SPDEF: variants seen among roughly 807,000 people sequenced by gnomAD.
SPDEF encodes the protein SAM pointed domain containing ETS transcription factor.
SPDEF carries 12 observed loss-of-function variants against 36.0 expected under a neutral mutation model. The observed-to-expected ratio is 0.33, with a 90% CI of 0.21 to 0.54. SPDEF has a LOEUF of 0.54. Ranked by LOEUF, SPDEF falls within the 20% of genes least tolerant of loss-of-function variation. The pLI, the probability that SPDEF is intolerant of heterozygous loss-of-function variation, is 0.93. For synonymous variants in SPDEF, 205 were observed against 193.0 expected (o/e 1.06, Z -0.51); for missense variants, 388 against 456.9 (o/e 0.85, Z 1.37).
intron 1 of SPDEF, among the ~76,000 whole-genome samples, chr6:34,545,296 G>C (rs1767928149): frequency 6.6e-6 from 1 of 152,232 alleles, no homozygotes; most frequent in Non-Finnish European, 1.5e-5. Flanking sequence ...AGTGCCACAT[G>C]CCAGGCTTTC....
Position 34,544,499 on chromosome 6 carries a change from G to A in SPDEF, c.-29-15C>T. The stretch of plus-strand genomic sequence containing the variant: ...GGCGGCTGTGTCTACGGAAATGAAA[G>A]AGGACTCAGGTTTGACTGCTTCTCC... On this transcript the variant is annotated splice_polypyrimidine_tract_variant and intron_variant, in intron 1 of 5. Transcript: ENST00000374037. This position sits in a 1 kb window ranked among gnomAD's most constrained non-coding sequence, Gnocchi z 4.4. The A allele has an allele frequency of 6.7e-7, 1 of 1,486,834 alleles. No homozygotes were observed. Among genetic ancestry groups the A allele is most frequent in the Non-Finnish European group, 8.9e-7 (1 of 1,120,950 alleles). 92.1% of individuals were successfully genotyped at this position (1,486,834 alleles called of 1,614,324 possible).
rs534590841 is a variant in SPDEF at position 34,539,618 on chromosome 6, G to C, written c.635-56C>G. ...CAGGAGAGGCCCCGAGGGTGGAGGA[G>C]GGGAGGCGTTTGGGTGGGACTGTGG... On this transcript the variant is annotated intron_variant, in intron 3 of 5. Coordinates refer to ENST00000374037, the MANE Select transcript of SPDEF (RefSeq NM_012391.3). The surrounding 1 kb of genome is among the most constrained non-coding windows in gnomAD (Gnocchi z 5.2). 1.9e-6 allele frequency: 3 copies of C among 1,543,904 alleles called. No homozygotes were observed. Among genetic ancestry groups the C allele is most frequent in the Non-Finnish European group, 2.6e-6 (3 of 1,142,532 alleles).
At chr6:34,551,594 C>T (rs35840295) in intron 1 of SPDEF, among the ~76,000 whole-genome samples, 8,080 of 152,250 alleles carry the variant, frequency 0.053, 294 homozygotes, top group Non-Finnish European at 0.083. Flanking sequence ...ATGGTGGGGA[C>T]GCAGAGGTGG....
chr6:34,542,237 G>T (rs1767838400), intron 2 of SPDEF, among the ~76,000 whole-genome samples: 1 of 152,224 alleles, frequency 6.6e-6, no homozygotes, highest in South Asian at 2.1e-4. Flanking sequence ...GCTTCCCAGG[G>T]AAAGCTGCAC....
rs959703042 is a variant in SPDEF, at chr6:34,538,728, T to C, written c.830-276A>G. On this transcript the variant is annotated intron_variant, in intron 5 of 5. Coordinates refer to ENST00000374037, the MANE Select transcript of SPDEF (RefSeq NM_012391.3). This position sits in a 1 kb window ranked among gnomAD's most constrained non-coding sequence, Gnocchi z 5.9. ...AAACCTCCCGGTACAGGTGAGCCTG[T>C]GTACCTTAGTGGGTTCCCTGGGGCC... Among the ~76,000 whole-genome samples the C allele has an allele frequency of 2.6e-5, 4 of 152,216 alleles. No homozygotes were observed. The highest frequency in any genetic ancestry group is 5.9e-5 in the Non-Finnish European group (4 of 68,018).
rs200603881 is a variant in SPDEF at position 34,544,108 on chromosome 6, C to A, written c.348G>T (p.Glu116Asp). The A allele has an allele frequency of 7.7e-5, 124 of 1,613,610 alleles. No homozygotes were observed. The highest frequency in any genetic ancestry group is 9.9e-5 in the Non-Finnish European group (117 of 1,179,858). ...TGGACTGCACCTGCTCCAGCGAGTG[C>A]TCCTCCAAGGTCAGCCCGCCGGGCA... Reference protein sequence around the residue: ...DLVPGGLTLEEHSLEQVQSMV... With the variant: ...DLVPGGLTLEDHSLEQVQSMV... The change falls in exon 2 of 6, where the codon GAG becomes GAT. Residue 116 changes from glutamate (E) to aspartate (D), a missense_variant. Around this residue, in one of 2 missense-constraint regions of SPDEF, gnomAD observed 308 missense variants for 326.1 expected, o/e 0.94. Coordinates refer to ENST00000374037, the MANE Select transcript of SPDEF (RefSeq NM_012391.3). This position sits in a 1 kb window ranked among gnomAD's most constrained non-coding sequence, Gnocchi z 4.4.
chr6:34,553,914 G>A (rs936243946), intron 1 of SPDEF, among the ~76,000 whole-genome samples: 5 of 14,032 alleles, frequency 3.6e-4, no homozygotes, highest in African/African-American at 1.2e-3. Flanking sequence ...ACTTCCCCCC[G>A]GCCCCCGCAC....
rs1767776395 is a variant in SPDEF at position 34,539,649 on chromosome 6, C to T, written c.635-87G>A. The T allele has an allele frequency of 6.9e-7, 1 of 1,459,526 alleles. No individual in the cohort carries two copies. The highest frequency in any genetic ancestry group is 2.0e-5 in the Admixed American group (1 of 50,874). The allele number at this position is 1,459,526 out of a possible 1,614,324, so 90.4% of individuals were successfully genotyped here. A position where few individuals can be genotyped will look rare whatever the true frequency, so the allele number is the denominator to read the frequency against. On this transcript the variant is annotated intron_variant, in intron 3 of 5. Transcript: ENST00000374037. The surrounding 1 kb of genome is among the most constrained non-coding windows in gnomAD (Gnocchi z 5.2). ...GCGTTTGGGTGGGACTGTGGGGCCA[C>T]AGGAGCCCCTCTGTGGCTGGGGGTT...
intron 1 of SPDEF, among the ~76,000 whole-genome samples, chr6:34,548,767 A>C (rs1210754006): frequency 6.6e-6 from 1 of 152,158 alleles, no homozygotes; most frequent in African/African-American, 2.4e-5. Flanking sequence ...ATTCATCCCA[A>C]AGCCCTCCTG....
In SPDEF at chr6:34,544,356, C is replaced by T. The variant is rs764241184; in HGVS notation, c.100G>A (p.Gly34Arg). 1.9e-6 allele frequency: 3 copies of T among 1,603,688 alleles called. No individual in the cohort carries two copies. The highest frequency in any genetic ancestry group is 3.3e-5 in the Admixed American group (2 of 59,824). The change falls in exon 2 of 6, where the codon GGG becomes AGG. Residue 34 changes from glycine to arginine, a missense_variant. Transcript: ENST00000374037. The surrounding 1 kb of genome is among the most constrained non-coding windows in gnomAD (Gnocchi z 4.4). ...SRTGLEKAAA[G>R]AVGLERRDWS... is the part of the protein sequence containing the mutation. The stretch of plus-strand genomic sequence containing the variant: ...TCCCGTCTCTCGAGACCCACTGCCC[C>T]CGCTGCCGCCTTCTCCAAGCCTGTC...
At chr6:34,542,384 C>A (rs778611685) in intron 2 of SPDEF, among the ~76,000 whole-genome samples, 4 of 152,262 alleles carry the variant, frequency 2.6e-5, no homozygotes, top group Non-Finnish European at 5.9e-5. Flanking sequence ...TCCATAATCA[C>A]GCCTTCCAGG....
intron 2 of SPDEF, among the ~76,000 whole-genome samples, chr6:34,541,587 C>T (rs989920529): frequency 1.3e-5 from 2 of 152,214 alleles, no homozygotes; most frequent in African/African-American, 4.8e-5. Context: ...CCTCAAGGAA[C>T]CAGAGAAACA....
chr6:34,548,079 C>T (rs897803918), intron 1 of SPDEF, among the ~76,000 whole-genome samples: 21 of 152,300 alleles, frequency 1.4e-4, no homozygotes, highest in African/African-American at 4.3e-4. Flanking sequence ...GAAGAGAGAA[C>T]GGCACTGTGA....
chr6:34,539,675 G>C lies in SPDEF; in HGVS notation c.635-113C>G. 1 of 1,250,888 alleles carries C rather than the reference G, an allele frequency of 8.0e-7. No individual in the cohort carries two copies. Among genetic ancestry groups the C allele is most frequent in the Non-Finnish European group, 1.1e-6 (1 of 877,250 alleles). 77.5% of individuals were successfully genotyped at this position (1,250,888 alleles called of 1,614,324 possible). On this transcript the variant is annotated intron_variant, in intron 3 of 5. Coordinates refer to ENST00000374037, the MANE Select transcript of SPDEF (RefSeq NM_012391.3). The surrounding 1 kb of genome is among the most constrained non-coding windows in gnomAD (Gnocchi z 5.2). Reference sequence around the variant, plus strand: ...AGGAGCCCCTCTGTGGCTGGGGGTTGCCCCTGTGGCTCCCTGCCTCCTGCC... The same window carrying C: ...AGGAGCCCCTCTGTGGCTGGGGGTTCCCCCTGTGGCTCCCTGCCTCCTGCC...
chr6:34,548,722 G>A (rs1324332880), intron 1 of SPDEF, among the ~76,000 whole-genome samples: 2 of 152,182 alleles, frequency 1.3e-5, no homozygotes, highest in East Asian at 1.9e-4. Context: ...GCACAACATG[G>A]CTATTTTCTA....
intron 2 of SPDEF, among the ~76,000 whole-genome samples, chr6:34,541,857 G>A (rs1767829726): frequency 6.6e-6 from 1 of 150,860 alleles, no homozygotes; most frequent in Non-Finnish European, 1.5e-5. Flanking sequence ...TGCTGCTCTG[G>A]GGTGAGCCTC....
At chr6:34,540,038 T>C (rs756154406) in intron 3 of SPDEF, among the ~76,000 whole-genome samples, 3 of 152,122 alleles carry the variant, frequency 2.0e-5, no homozygotes, top group Non-Finnish European at 4.4e-5. Flanking sequence ...TGGAGGCTCA[T>C]GCCTGTAGTC....
At chr6:34,545,526 G>T (rs561551609) in intron 1 of SPDEF, among the ~76,000 whole-genome samples, 8 of 152,386 alleles carry the variant, frequency 5.2e-5, no homozygotes, top group African/African-American at 1.9e-4. Flanking sequence ...TGCACAGTTT[G>T]GGTGAGAAGG....
chr6:34,553,397 G>A (rs1207095834), intron 1 of SPDEF, among the ~76,000 whole-genome samples: 1 of 152,080 alleles, frequency 6.6e-6, no homozygotes, highest in Non-Finnish European at 1.5e-5. Context: ...GCTTGGCTGG[G>A]GGCACAGGGT....
Sources: allele counts gnomAD v4.1 joint callset (sites outside exome capture counted in the v4.1 genomes callset), GRCh38; gene constraint gnomAD v4.1.1; regional missense constraint gnomAD v4.1.1; non-coding constraint Gnocchi (gnomAD v3.1); transcripts MANE v1.5; gene names NCBI Gene and HGNC (gene_info 2026-07-23, HGNC 2026-07-21).